EFR3A: variants seen among roughly 807,000 people sequenced by gnomAD.
EFR3A encodes protein EFR3 homolog A.
Under a neutral mutation model 104.4 loss-of-function variants are expected in EFR3A, and 76 were observed. The ratio of observed to expected loss-of-function variants is 0.73; its 90% CI spans 0.60 to 0.88. The LOEUF is 0.88. Among genes scored for constraint, EFR3A ranks in the 40% least tolerant of loss-of-function variants. EFR3A has a pLI of 0.00. For missense variants in EFR3A, 985 were observed against 1,012.5 expected (o/e 0.97, Z 0.37); for synonymous variants, 330 against 330.0 (o/e 1.00, Z 0.00).
intron 1 of EFR3A, among the ~76,000 whole-genome samples, chr8:131,911,760 C>G (rs1816522416): frequency 6.6e-6 from 1 of 152,152 alleles, no homozygotes; most frequent in East Asian, 1.9e-4. Context: ...TACGAATGAT[C>G]TAATGTTAAT....
In EFR3A at chr8:131,968,329, TA is replaced by T; in HGVS notation, c.891del (p.Gly298AspfsTer22). The T allele has an allele frequency of 1.2e-6, 2 of 1,613,456 alleles. No homozygotes were observed. The highest frequency in any genetic ancestry group is 1.7e-6 in the Non-Finnish European group (2 of 1,179,546). ...TCTCACCATGTGATCCAGGAGATTC[TA>T]GGACACCTTGATGCTCGTAAAAAAG... The part of the protein sequence containing the change: ...QYSHHVIQEI[L>X]GHLDARKKDA... On this transcript the variant is annotated frameshift_variant, in exon 9 of 23. Transcript: ENST00000254624. LOFTEE classifies it high-confidence loss of function.
chr8:131,981,631 T>C (rs956418747), intron 14 of EFR3A, among the ~76,000 whole-genome samples: 1 of 152,106 alleles, frequency 6.6e-6, no homozygotes, highest in Non-Finnish European at 1.5e-5. Context: ...GAAAAAAAAT[T>C]GGGTTCTGTA....
At chr8:131,964,854 G>T (rs905719232) in intron 8 of EFR3A, among the ~76,000 whole-genome samples, 1 of 152,008 alleles carries the variant, frequency 6.6e-6, no homozygotes, top group Admixed American at 6.6e-5. Context: ...CATGGTACTG[G>T]TACCAAAACA....
chr8:132,000,056 T>C (rs1173610688), intron 19 of EFR3A, among the ~76,000 whole-genome samples: 2 of 151,890 alleles, frequency 1.3e-5, no homozygotes, highest in Non-Finnish European at 2.9e-5. Context: ...ACAAATGACT[T>C]AAAGGGATTT....
intron 9 of EFR3A, among the ~76,000 whole-genome samples, chr8:131,969,524 GTT>G (rs112899303): frequency 1.5e-5 from 2 of 135,464 alleles, no homozygotes; most frequent in Non-Finnish European, 1.6e-5. Flanking sequence ...ATTTGTGTGT[GTT>G]TTTTTTTTTT....
Position 132,011,185 on chromosome 8 carries a change from A to G in EFR3A, c.*290A>G, listed in dbSNP as rs2130828888. 9.5e-7 allele frequency: 1 copy of G among 1,055,576 alleles called. No individual in the cohort carries two copies. 65.4% of individuals were successfully genotyped at this position (1,055,576 alleles called of 1,614,324 possible). On this transcript the variant is annotated 3_prime_UTR_variant, in exon 23 of 23. Coordinates refer to ENST00000254624, the MANE Select transcript of EFR3A (RefSeq NM_015137.6). ...ATTCCACTGTTAAGTAGTATGTTTT[A>G]AACTTTTCACAAATGTAATGTTTTT...
chr8:132,010,407 G>GATATACATATATATAT (rs1554610360), intron 22 of EFR3A, among the ~76,000 whole-genome samples: 4 of 81,890 alleles, frequency 4.9e-5, no homozygotes, highest in African/African-American at 2.0e-4. Context: ...TCAAGTATGA[G>GATATACATATATATAT]ATATATATAT....
chr8:131,929,600 G>A (rs779256975), intron 1 of EFR3A, among the ~76,000 whole-genome samples: 1 of 152,054 alleles, frequency 6.6e-6, no homozygotes, highest in Non-Finnish European at 1.5e-5. Flanking sequence ...ACCAGACTAC[G>A]AGCTACTAAA....
chr8:131,985,146 G>T, intron 16 of EFR3A, 86 bp downstream of exon 16: 1 of 1,327,178 alleles, frequency 7.5e-7, no homozygotes, highest in South Asian at 1.4e-5. Context: ...TAACTTTGGT[G>T]ATTACGTATC....
rs540535259 is a variant in EFR3A, at chr8:131,941,565, T to C, written c.87+990T>C. ...GTGGCATATTAAAAACCCTAAGATA[T>C]GGTACTGCCTTGAAGGACCTTTCCA... On this transcript the variant is annotated intron_variant, in intron 2 of 22. Coordinates refer to ENST00000254624, the MANE Select transcript of EFR3A (RefSeq NM_015137.6). Among the ~76,000 whole-genome samples, 280 of 152,206 alleles carry C rather than the reference T, an allele frequency of 1.8e-3. 2 individuals are homozygous for C. The highest frequency in any genetic ancestry group is 6.5e-3 in the African/African-American group (272 of 41,558).
intron 1 of EFR3A, among the ~76,000 whole-genome samples, chr8:131,911,346 A>G (rs1015766357): frequency 5.9e-5 from 9 of 152,126 alleles, no homozygotes; most frequent in Non-Finnish European, 7.4e-5. Context: ...TTAAGGTATC[A>G]TATAATATAT....
chr8:131,974,931 A>G (rs1459464326), intron 10 of EFR3A, among the ~76,000 whole-genome samples: 6 of 152,224 alleles, frequency 3.9e-5, no homozygotes, highest in African/African-American at 1.2e-4. Context: ...AAAAATGCAG[A>G]AAGTTTCTGT....
intron 14 of EFR3A, among the ~76,000 whole-genome samples, chr8:131,981,929 T>C (rs1820635565): frequency 6.6e-6 from 1 of 152,150 alleles, no homozygotes; most frequent in African/African-American, 2.4e-5. Flanking sequence ...CAACTCACTA[T>C]ATAGTTTCTC....
chr8:131,984,662 T>TG (rs1407879765), intron 15 of EFR3A, among the ~76,000 whole-genome samples: 3 of 152,130 alleles, frequency 2.0e-5, no homozygotes, highest in Non-Finnish European at 4.4e-5. Context: ...CAGTATGCAA[T>TG]GGCCATATAT....
chr8:131,946,287 T>G (rs1358320334), intron 3 of EFR3A, among the ~76,000 whole-genome samples, 196 bp from the exon 4 acceptor site: 3 of 152,072 alleles, frequency 2.0e-5, no homozygotes, highest in Admixed American at 6.6e-5. Flanking sequence ...TCTGTATACT[T>G]CGATAAAAGG....
At chr8:131,993,471 A>G (rs1435329434) in intron 18 of EFR3A, among the ~76,000 whole-genome samples, 1 of 152,176 alleles carries the variant, frequency 6.6e-6, no homozygotes, top group East Asian at 1.9e-4. Flanking sequence ...AGTTACAACC[A>G]TGGAAGGCTG....
At chr8:131,954,781 T>C (rs1818892294) in intron 6 of EFR3A, among the ~76,000 whole-genome samples, 1 of 151,860 alleles carries the variant, frequency 6.6e-6, no homozygotes, top group African/African-American at 2.4e-5. Context: ...TTAAAAGTGA[T>C]TCAATTCTAT....
At chr8:131,975,289 A>T (rs1259611055) in intron 10 of EFR3A, among the ~76,000 whole-genome samples, 1 of 152,102 alleles carries the variant, frequency 6.6e-6, no homozygotes, top group Admixed American at 6.6e-5. Context: ...GTGACTAATT[A>T]TTAACTTCTT....
intron 1 of EFR3A, among the ~76,000 whole-genome samples, chr8:131,913,222 C>T (rs80286391): frequency 0.17 from 25,387 of 149,948 alleles, 2,353 homozygotes; most frequent in East Asian, 0.32. Flanking sequence ...GGCAGTTCCT[C>T]CTATGATTAA....
Sources: gnomAD v4.1 joint callset for allele counts (sites outside exome capture counted in the v4.1 genomes callset) on GRCh38, gnomAD v4.1.1 for gene constraint, MANE v1.5 for transcripts, NCBI Gene and HGNC (gene_info 2026-07-23, HGNC 2026-07-21) for gene names.